TNS1: variants seen among roughly 807,000 people sequenced by gnomAD.
TNS1 encodes tensin 1, also known as tensin-1.
TNS1 carries 62 observed loss-of-function variants against 168.6 expected under a neutral mutation model. That is an observed-to-expected ratio of 0.37 (90% CI 0.30 to 0.45). The LOEUF (loss-of-function observed/expected upper bound fraction) is 0.45. Among genes scored for constraint, TNS1 ranks in the 20% least tolerant of loss-of-function variants. The probability of loss-of-function intolerance (pLI) is 1.00; values close to 1 mark genes in which losing one functional copy is unlikely to be tolerated. For synonymous variants in TNS1, 934 were observed against 933.2 expected, an observed-to-expected ratio of 1.00 and a Z score of -0.02; for missense variants, 2,240 against 2,339.4, an observed-to-expected ratio of 0.96 and a Z score of 0.88.
intron 3 of TNS1, among the ~76,000 whole-genome samples, chr2:217,954,977 T>C (rs1559386157): frequency 6.7e-6 from 1 of 150,362 alleles, no homozygotes; most frequent in East Asian, 1.9e-4. Context: ...TCCGTGAATG[T>C]ACACACACAC....
chr2:217,897,264 C>T lies in TNS1; in HGVS notation c.543+534G>A, dbSNP rs376455456. 1.6e-4 allele frequency among the ~76,000 whole-genome samples: 25 copies of T among 152,322 alleles called. No homozygotes were observed. The South Asian group carries it at 4.6e-3, about 28-fold the overall frequency. On this transcript the variant is annotated intron_variant, in intron 8 of 32. Transcript: ENST00000682258. ...TCTCTCCCGTGTGCCAAGGTGACTC[C>T]TCTGGGCCAGGCCGAGCCAGGTGCC...
chr2:217,817,600 G>A, intron 24 of TNS1, 90 bp downstream of exon 24: 2 of 1,172,784 alleles, frequency 1.7e-6, no homozygotes, highest in Non-Finnish European at 2.4e-6. Context: ...TCTGCCAAGA[G>A]AATGTCAGAA....
upstream of TNS1, among the ~76,000 whole-genome samples, chr2:218,011,594 C>A (rs1325719343): frequency 6.6e-6 from 1 of 152,140 alleles, no homozygotes; most frequent in Non-Finnish European, 1.5e-5. Context: ...TGTCCCCTTC[C>A]TCTCCTGCAC....
At chr2:217,895,526 A>T (rs576464288) in intron 8 of TNS1, among the ~76,000 whole-genome samples, 3 of 152,308 alleles carry the variant, frequency 2.0e-5, no homozygotes, top group East Asian at 3.9e-4. Flanking sequence ...GCTGTGTGAG[A>T]TGATAAGTAG....
chr2:217,878,914 C>T (rs1162205298), intron 18 of TNS1, among the ~76,000 whole-genome samples: 1 of 152,216 alleles, frequency 6.6e-6, no homozygotes, highest in African/African-American at 2.4e-5. Flanking sequence ...TCTTCTGCCC[C>T]CTCGCCCTTC....
chr2:217,817,650 A>C (rs750734828), intron 24 of TNS1, 40 bp downstream of exon 24: 1 of 1,492,964 alleles, frequency 6.7e-7, no homozygotes, highest in Non-Finnish European at 9.1e-7. Context: ...TACTTACTTC[A>C]TCAGCAGGAG....
chr2:217,891,016 A>C lies in TNS1; in HGVS notation c.812T>G (p.Met271Arg), dbSNP rs1412037272. ...SADQALDRFAMKRFYEDKIVP... is the reference protein window; with the variant it reads ...SADQALDRFARKRFYEDKIVP... Reference sequence around the variant, plus strand: ...AATCTTATCCTCATAGAACCGCTTCATTGCAAACCGGTCCAGAGCCTGGTC... The same window carrying C: ...AATCTTATCCTCATAGAACCGCTTCCTTGCAAACCGGTCCAGAGCCTGGTC... The change falls in exon 12 of 33, where the codon ATG becomes AGG. Residue 271 changes from methionine (M) to arginine (R), a missense_variant. This residue lies in a region of TNS1 where 2,131 missense variants were observed against 2,171.2 expected (regional missense o/e 0.98). Transcript: ENST00000682258. 1 of 1,614,118 alleles carries C rather than the reference A, an allele frequency of 6.2e-7. No individual in the cohort carries two copies. The highest frequency in any genetic ancestry group is 8.5e-7 in the Non-Finnish European group (1 of 1,180,052).
At chr2:217,894,959 A>C in intron 9 of TNS1, 47 bp downstream of exon 9, 1 of 1,581,074 alleles carries the variant, frequency 6.3e-7, no homozygotes, top group Non-Finnish European at 8.7e-7. Context: ...GAGGGAGTCC[A>C]TCTGTTCTCC....
At position 217,868,220 on chromosome 2, in the gene TNS1, T is replaced by C. The variant is rs190757544; in HGVS notation, c.1429+12678A>G. ...TTCTTCAATTGCATGGACTTAAGGT[T>C]AGGCCTATCCTTATGTCATTCCCAC... On this transcript the variant is annotated intron_variant, in intron 18 of 32. Transcript: ENST00000682258. 6.6e-5 allele frequency among the ~76,000 whole-genome samples: 10 copies of C among 152,356 alleles called. 1 individual carries two copies. The highest frequency in any genetic ancestry group is 2.4e-4 in the African/African-American group (10 of 41,576).
At chr2:217,913,022 C>T (rs1468362885) in intron 4 of TNS1, among the ~76,000 whole-genome samples, 3 of 152,192 alleles carry the variant, frequency 2.0e-5, no homozygotes, top group Non-Finnish European at 4.4e-5. Flanking sequence ...TCTAAGACCT[C>T]TGAGGTCTGC....
intron 18 of TNS1, among the ~76,000 whole-genome samples, chr2:217,852,477 G>T (rs908459873): frequency 2.0e-5 from 3 of 152,224 alleles, no homozygotes; most frequent in Non-Finnish European, 4.4e-5. Context: ...GCAAAGGCTG[G>T]TGTGTCCAGT....
intron 4 of TNS1, among the ~76,000 whole-genome samples, chr2:217,907,547 GGA>G (rs747615099): frequency 2.6e-5 from 4 of 152,200 alleles, no homozygotes; most frequent in Non-Finnish European, 5.9e-5. Flanking sequence ...CCCACAAATT[GGA>G]GAGGTCAATG....
chr2:217,848,965 G>C lies in TNS1; in HGVS notation c.1552C>G (p.Pro518Ala), dbSNP rs774796955. 4 of 1,614,122 alleles carry C rather than the reference G, an allele frequency of 2.5e-6. No homozygotes were observed. In the East Asian group the frequency reaches 6.7e-5, roughly 27 times the overall value. Residue 518 changes from proline (P) to alanine (A), a missense_variant, in exon 19 of 33, where the codon CCC becomes GCC. By Grantham distance (27) the Pro-to-Ala change is conservative (BLOSUM62 -1). Around this residue, in one of 2 missense-constraint regions of TNS1, gnomAD observed 2,131 missense variants for 2,171.2 expected, o/e 0.98. Transcript: ENST00000682258. Reference sequence around the variant, plus strand: ...GAAAGCGTGTGTTCCACGTGGTTGGGGGTGGCCGACAGTGTAGGACGTGTG... The same window carrying C: ...GAAAGCGTGTGTTCCACGTGGTTGGCGGTGGCCGACAGTGTAGGACGTGTG... ...NATRPTLSAT[P>A]NHVEHTLSVS...
intron 4 of TNS1, among the ~76,000 whole-genome samples, chr2:217,910,483 G>A (rs1954243612): frequency 6.6e-6 from 1 of 151,984 alleles, no homozygotes; most frequent in Admixed American, 6.6e-5. Context: ...TTCCAGCCTT[G>A]GGGCTACTGG....
chr2:217,988,507 G>A (rs114538540), intron 2 of TNS1, among the ~76,000 whole-genome samples: 2,507 of 152,272 alleles, frequency 0.016, 57 homozygotes, highest in African/African-American at 0.056. Flanking sequence ...CTGGAGTGAC[G>A]GGAAGACACT....
At chr2:217,934,665 GC>G (rs1956508232) in intron 3 of TNS1, among the ~76,000 whole-genome samples, 1 of 152,188 alleles carries the variant, frequency 6.6e-6, no homozygotes, top group Non-Finnish European at 1.5e-5. Flanking sequence ...ATTCTGGCCA[GC>G]CCAACCCTGA....
At chr2:217,873,256 T>C (rs1949927043) in intron 18 of TNS1, among the ~76,000 whole-genome samples, 1 of 152,208 alleles carries the variant, frequency 6.6e-6, no homozygotes. Flanking sequence ...CTCCAAACTA[T>C]ACCGCCATAC....
chr2:218,019,421 C>T (rs947116417), intron 1 of TNS1, among the ~76,000 whole-genome samples: 12 of 152,244 alleles, frequency 7.9e-5, no homozygotes, highest in African/African-American at 2.2e-4. Context: ...TGAGGTGACA[C>T]TTTGGGGGCT....
chr2:217,808,224 C>A, intron 31 of TNS1, 117 bp from the exon 32 acceptor site: 1 of 1,195,766 alleles, frequency 8.4e-7, no homozygotes, highest in Non-Finnish European at 1.2e-6. Flanking sequence ...CCCCCATTCC[C>A]CCCTCATTCC....
Sources: allele counts gnomAD v4.1 joint callset (sites outside exome capture counted in the v4.1 genomes callset), GRCh38; gene constraint gnomAD v4.1.1; regional missense constraint gnomAD v4.1.1; transcripts MANE v1.5; gene names NCBI Gene and HGNC (gene_info 2026-07-23, HGNC 2026-07-21).